KCNH1: variants seen among roughly 807,000 people sequenced by gnomAD.
The protein encoded by KCNH1 is voltage-gated delayed rectifier potassium channel KCNH1.
A neutral mutation model predicts 69.2 loss-of-function variants in KCNH1; 27 were observed. The observed-to-expected ratio is 0.39, with a 90% CI of 0.29 to 0.54. The LOEUF is 0.54. KCNH1 is among the 20% of genes least tolerant of loss of function. The pLI is 0.68. For missense variants in KCNH1, 798 were observed against 1,261.6 expected, an observed-to-expected ratio of 0.63 and a Z score of 5.57; for synonymous variants, 456 against 487.7, an observed-to-expected ratio of 0.93 and a Z score of 0.86.
chr1:210,917,280 A>AAAGAAAGAAAGAAAGAAAGAAAG (rs1553359780), intron 7 of KCNH1, among the ~76,000 whole-genome samples: 1 of 142,576 alleles, frequency 7.0e-6, no homozygotes, highest in African/African-American at 2.7e-5. Context: ...AGAAAGAAAG[A>AAAGAAAGAAAGAAAGAAAGAAAG]AAAGAAAAGA....
At chr1:210,976,196 T>A (rs1574373138) in intron 6 of KCNH1, among the ~76,000 whole-genome samples, 1 of 152,082 alleles carries the variant, frequency 6.6e-6, no homozygotes, top group South Asian at 2.1e-4. Context: ...GTGTGGTGAT[T>A]CCTCAAGGAT....
At chr1:210,974,086 C>T (rs1273054043) in intron 6 of KCNH1, among the ~76,000 whole-genome samples, 1 of 152,098 alleles carries the variant, frequency 6.6e-6, no homozygotes, top group Admixed American at 6.6e-5. Context: ...TCTCTCTTCC[C>T]TTCCCTCCTC....
intron 7 of KCNH1, among the ~76,000 whole-genome samples, chr1:210,891,239 A>G (rs2102522806): frequency 6.6e-6 from 1 of 152,350 alleles, no homozygotes; most frequent in African/African-American, 2.4e-5. Flanking sequence ...TGTCCTTTGT[A>G]GGGACATGTA....
chr1:211,052,441 A>T (rs1436841119), intron 5 of KCNH1, among the ~76,000 whole-genome samples: 4 of 152,216 alleles, frequency 2.6e-5, no homozygotes, highest in Non-Finnish European at 5.9e-5. Context: ...GAGAGGCAAC[A>T]TTGCTCAAAA....
intron 7 of KCNH1, among the ~76,000 whole-genome samples, chr1:210,845,024 C>T (rs1685506274): frequency 6.6e-6 from 1 of 152,098 alleles, no homozygotes; most frequent in Non-Finnish European, 1.5e-5. Context: ...CAAGACTAAA[C>T]CAGGAAGAAG....
At chr1:210,926,984 A>AACCC (rs1687587152) in intron 6 of KCNH1, among the ~76,000 whole-genome samples, 1 of 152,198 alleles carries the variant, frequency 6.6e-6, no homozygotes, top group Non-Finnish European at 1.5e-5. Flanking sequence ...GCTTGAAGAC[A>AACCC]AGGCTTTCAA....
At chr1:211,019,287 T>A in intron 5 of KCNH1, 31 bp from the exon 6 acceptor site, 1 of 1,412,620 alleles carries the variant, frequency 7.1e-7, no homozygotes, top group Non-Finnish European at 9.7e-7. Flanking sequence ...AAGAGAGAAC[T>A]AAGTTAGGAT....
chr1:211,065,516 T>C (rs1053533260), intron 5 of KCNH1, among the ~76,000 whole-genome samples: 2 of 152,152 alleles, frequency 1.3e-5, no homozygotes, highest in African/African-American at 4.8e-5. Flanking sequence ...GGTCAAAGGA[T>C]ACAAAATTTC....
chr1:210,955,770 T>C (rs1435399289), intron 6 of KCNH1, among the ~76,000 whole-genome samples: 1 of 152,254 alleles, frequency 6.6e-6, no homozygotes, highest in East Asian at 1.9e-4. Context: ...GAGACTTCAC[T>C]GAAGTTGCTT....
At chr1:211,069,349 A>C (rs746422122) in intron 5 of KCNH1, among the ~76,000 whole-genome samples, 1 of 146,520 alleles carries the variant, frequency 6.8e-6, no homozygotes, top group Non-Finnish European at 1.5e-5. Flanking sequence ...GCTGACTTTC[A>C]ACAAAAAGTC....
At chr1:210,996,067 G>C (rs894406291) in intron 6 of KCNH1, among the ~76,000 whole-genome samples, 1 of 152,172 alleles carries the variant, frequency 6.6e-6, no homozygotes, top group Non-Finnish European at 1.5e-5. Context: ...CGACGGAGAA[G>C]ACAGGTGATT....
intron 7 of KCNH1, among the ~76,000 whole-genome samples, chr1:210,843,244 G>A (rs1685460725): frequency 1.3e-5 from 2 of 152,224 alleles, no homozygotes; most frequent in South Asian, 4.1e-4. Context: ...TATGGGAGTG[G>A]CGCTTCTAGA....
At chr1:210,706,984 G>T (rs1271953293) in intron 10 of KCNH1, among the ~76,000 whole-genome samples, 1 of 152,208 alleles carries the variant, frequency 6.6e-6, no homozygotes, top group African/African-American at 2.4e-5. Context: ...GAAGAGAAGA[G>T]AAAGCATAGT....
chr1:210,809,518 AAG>A (rs1255644647), intron 7 of KCNH1, among the ~76,000 whole-genome samples: 1 of 152,200 alleles, frequency 6.6e-6, no homozygotes, highest in Non-Finnish European at 1.5e-5. Flanking sequence ...TATTCATAAA[AAG>A]AGAAACATGC....
intron 7 of KCNH1, among the ~76,000 whole-genome samples, chr1:210,817,195 G>A (rs4370814): frequency 0.66 from 99,742 of 151,906 alleles, 33,006 homozygotes; most frequent in East Asian, 0.79. Flanking sequence ...TCTACCACAT[G>A]GGATGCCAAG....
intron 10 of KCNH1, among the ~76,000 whole-genome samples, chr1:210,715,605 A>C (rs180989405): frequency 6.6e-6 from 1 of 152,040 alleles, no homozygotes; most frequent in Non-Finnish European, 1.5e-5. Context: ...AGAAGTTTGC[A>C]TCATAATCAT....
chr1:211,119,278 T>C (rs1332553657), intron 1 of KCNH1, among the ~76,000 whole-genome samples: 3 of 152,108 alleles, frequency 2.0e-5, no homozygotes, highest in African/African-American at 7.2e-5. Context: ...GAGAATGGTG[T>C]GAACCCAGGA....
At chr1:210,913,203 T>G (rs1687269516) in intron 7 of KCNH1, among the ~76,000 whole-genome samples, 1 of 152,168 alleles carries the variant, frequency 6.6e-6, no homozygotes, top group South Asian at 2.1e-4. Context: ...TCAAGCTGAT[T>G]GCTGGCTAGA....
chr1:210,684,698 G>C lies in KCNH1; in HGVS notation c.2113-560C>G, dbSNP rs149546440. 1.9e-3 allele frequency among the ~76,000 whole-genome samples: 289 copies of C among 152,326 alleles called. 2 individuals are homozygous for C. The highest frequency in any genetic ancestry group is 6.5e-3 in the African/African-American group (269 of 41,582). On this transcript the variant is annotated intron_variant, in intron 10 of 10. Transcript: ENST00000271751. ...CCACAGATCTGGACCCTAAGTGAAT[G>C]TGGTTGGCTGTGAAAAGTAAAAGTC...
Sources: gnomAD v4.1 joint callset for allele counts (sites outside exome capture counted in the v4.1 genomes callset) on GRCh38, gnomAD v4.1.1 for gene constraint, MANE v1.5 for transcripts, NCBI Gene and HGNC (gene_info 2026-07-23, HGNC 2026-07-21) for gene names.